The following DLG2 variants were observed in gnomAD, a reference collection of about 807,000 sequenced individuals.
DLG2 encodes the protein disks large homolog 2.
A neutral mutation model predicts 132.5 loss-of-function variants in DLG2; 45 were observed. That is an observed-to-expected ratio of 0.34 (90% confidence interval 0.27 to 0.44). DLG2 has a LOEUF of 0.44. DLG2 is among the 20% of genes least tolerant of loss of function. The pLI, the probability that DLG2 is intolerant of heterozygous loss-of-function variation, is 1.00. For synonymous variants in DLG2, 424 were observed against 419.6 expected, an observed-to-expected ratio of 1.01 and a Z score of -0.13; for missense variants, 1,045 against 1,196.9, an observed-to-expected ratio of 0.87 and a Z score of 1.87.
At chr11:85,391,231 T>G (rs551111279) in intron 3 of DLG2, among the ~76,000 whole-genome samples, 50 of 151,998 alleles carry the variant, frequency 3.3e-4, no homozygotes, top group African/African-American at 1.2e-3. Flanking sequence ...CCTCCCAGAT[T>G]AAACCAGAAA....
intron 3 of DLG2, among the ~76,000 whole-genome samples, chr11:85,465,418 T>C (rs971730377): frequency 2.0e-5 from 3 of 152,088 alleles, no homozygotes; most frequent in Admixed American, 1.3e-4. Context: ...ACTCGTCATT[T>C]AACATTAGGT....
intron 15 of DLG2, among the ~76,000 whole-genome samples, chr11:83,877,215 G>C (rs2064992809): frequency 6.6e-6 from 1 of 152,092 alleles, no homozygotes; most frequent in Admixed American, 6.6e-5. Context: ...CAATTTAATA[G>C]ATGAAGAATG....
intron 4 of DLG2, among the ~76,000 whole-genome samples, chr11:85,268,929 AG>A (rs1220485765): frequency 1.3e-5 from 2 of 152,242 alleles, no homozygotes; most frequent in Non-Finnish European, 2.9e-5. Flanking sequence ...TAGAATTTTA[AG>A]GAAGTATATG....
chr11:84,028,888 G>A (rs1160415076), intron 11 of DLG2, among the ~76,000 whole-genome samples: 3 of 151,688 alleles, frequency 2.0e-5, no homozygotes, highest in Non-Finnish European at 4.4e-5. Context: ...TTCCCAGTAG[G>A]GTGTGAGCCT....
intron 18 of DLG2, among the ~76,000 whole-genome samples, chr11:83,662,434 A>G (rs1186380357): frequency 6.6e-6 from 1 of 152,190 alleles, no homozygotes; most frequent in Non-Finnish European, 1.5e-5. Context: ...CAGAAATCTC[A>G]TGGAGAGGAG....
In DLG2 at chr11:85,421,658, A is replaced by G. The variant is rs181308433; in HGVS notation, c.41-136293T>C. ...TAAGTGGAGGATTTAGGTCATTTACATTCAATGTTAGTCTTGAAATGTGAG... is the reference window on the plus strand; with the variant it reads ...TAAGTGGAGGATTTAGGTCATTTACGTTCAATGTTAGTCTTGAAATGTGAG... On this transcript the variant is annotated intron_variant, in intron 3 of 27. Coordinates refer to ENST00000376104, the MANE Select transcript of DLG2 (RefSeq NM_001142699.3). 4.4e-3 allele frequency among the ~76,000 whole-genome samples: 669 copies of G among 152,128 alleles called. 6 individuals carry two copies. Among genetic ancestry groups the G allele is most frequent in the African/African-American group, 0.015 (639 of 41,506 alleles).
At chr11:84,789,663 T>C (rs1565967768) in intron 6 of DLG2, among the ~76,000 whole-genome samples, 1 of 152,182 alleles carries the variant, frequency 6.6e-6, no homozygotes, top group Non-Finnish European at 1.5e-5. Context: ...TCATTCTTTC[T>C]AACTTTTCTA....
intron 5 of DLG2, among the ~76,000 whole-genome samples, chr11:85,137,730 C>A (rs1194877657): frequency 6.6e-6 from 1 of 152,086 alleles, no homozygotes; most frequent in Non-Finnish European, 1.5e-5. Context: ...AGAAATCCAC[C>A]CACCTGGCCT....
intron 8 of DLG2, among the ~76,000 whole-genome samples, chr11:84,168,330 T>C (rs1254900294): frequency 1.3e-5 from 2 of 152,360 alleles, no homozygotes; most frequent in African/African-American, 2.4e-5. Context: ...AAGTCAGTAG[T>C]AGAGAATATG....
chr11:85,498,384 C>G lies in DLG2; in HGVS notation c.40+100273G>C, dbSNP rs539320318. 2.0e-5 allele frequency among the ~76,000 whole-genome samples: 3 copies of G among 152,272 alleles called. No individual in the cohort carries two copies. In the East Asian group the frequency reaches 5.8e-4, roughly 29 times the overall value. On this transcript the variant is annotated intron_variant, in intron 3 of 27. Coordinates refer to ENST00000376104, the MANE Select transcript of DLG2 (RefSeq NM_001142699.3). ...CAATTCAACAAGAAGAGCTAACTATCCTAAATATATATGCACCCAATACAG... is the reference window on the plus strand; with the variant it reads ...CAATTCAACAAGAAGAGCTAACTATGCTAAATATATATGCACCCAATACAG...
intron 7 of DLG2, among the ~76,000 whole-genome samples, chr11:84,292,026 A>G (rs190116109): frequency 3.3e-5 from 5 of 152,292 alleles, no homozygotes; most frequent in Non-Finnish European, 5.9e-5. Flanking sequence ...ACAGTAGCTA[A>G]TCATTTCACT....
chr11:84,367,994 T>C (rs1350944358), intron 7 of DLG2, among the ~76,000 whole-genome samples: 1 of 152,172 alleles, frequency 6.6e-6, no homozygotes, highest in Non-Finnish European at 1.5e-5. Context: ...ACCTACATTT[T>C]CTAGTTAATG....
chr11:83,559,480 G>A (rs1048196848), intron 19 of DLG2, among the ~76,000 whole-genome samples: 4 of 152,242 alleles, frequency 2.6e-5, no homozygotes, highest in Middle Eastern at 6.8e-3. Flanking sequence ...AATCAAGCAG[G>A]TGGCTGGAAA....
intron 17 of DLG2, among the ~76,000 whole-genome samples, chr11:83,794,437 GTTTTTTT>G (rs200672667): frequency 9.1e-4 from 116 of 127,470 alleles, no homozygotes; most frequent in African/African-American, 3.0e-3. Context: ...TTTACTATTG[GTTTTTTT>G]TTTTTTTTTT....
chr11:85,091,542 C>T (rs992181694), intron 6 of DLG2, among the ~76,000 whole-genome samples: 2 of 152,114 alleles, frequency 1.3e-5, no homozygotes, highest in Non-Finnish European at 2.9e-5. Flanking sequence ...AGCATTCTAC[C>T]CATAGTAAAA....
chr11:85,563,886 C>T (rs1431319685), intron 3 of DLG2, among the ~76,000 whole-genome samples: 1 of 151,960 alleles, frequency 6.6e-6, no homozygotes, highest in African/African-American at 2.4e-5. Context: ...TAAAAAGTAC[C>T]AAACTGTCTT....
At chr11:84,273,128 A>C in intron 7 of DLG2, 1 of 1,489,916 alleles carries the variant, frequency 6.7e-7, no homozygotes, top group Non-Finnish European at 8.9e-7. Context: ...ATCCCTAGGA[A>C]AATAAAAGAA....
chr11:84,890,106 C>G (rs1044034974), intron 6 of DLG2, among the ~76,000 whole-genome samples: 13 of 152,136 alleles, frequency 8.5e-5, no homozygotes, highest in African/African-American at 3.1e-4. Context: ...TTATGAAACC[C>G]TTTTTATTTT....
At chr11:83,897,309 T>C (rs2067384640) in intron 15 of DLG2, among the ~76,000 whole-genome samples, 1 of 152,138 alleles carries the variant, frequency 6.6e-6, no homozygotes, top group South Asian at 2.1e-4. Flanking sequence ...ATAAAAATAT[T>C]AAGAAAGAAG....
Sources: allele counts gnomAD v4.1 joint callset (sites outside exome capture counted in the v4.1 genomes callset), GRCh38; gene constraint gnomAD v4.1.1; transcripts MANE v1.5; gene names NCBI Gene and HGNC (gene_info 2026-07-23, HGNC 2026-07-21).